Variants in KCNQ2 observed in about 807,000 individuals in gnomAD.
The protein encoded by KCNQ2 is potassium voltage-gated channel subfamily KQT member 2.
A neutral mutation model predicts 84.8 loss-of-function variants in KCNQ2; 14 were observed. The ratio of observed to expected loss-of-function variants is 0.17; its 90% confidence interval spans 0.11 to 0.26. The LOEUF is 0.26. Among genes scored for constraint, KCNQ2 ranks in the 10% least tolerant of loss-of-function variants. The pLI is 1.00. For synonymous variants in KCNQ2, 599 were observed against 554.1 expected (o/e 1.08, Z -1.14); for missense variants, 788 against 1,254.0 (o/e 0.63, Z 5.61).
In KCNQ2 at chr20:63,472,274, C is replaced by A. The variant is rs780110473; in HGVS notation, c.190G>T (p.Ala64Ser). ...LSKPRAGGAGAGKPPKRNAFY... is the reference protein window; with the variant it reads ...LSKPRAGGAGSGKPPKRNAFY... ...GCGTTGCGCTTGGGGGGCTTCCCGG[C>A]GCCCGCGCCGCCCGCGCGAGGTTTG... Residue 64 changes from alanine to serine, a missense_variant, in exon 1 of 17, where the codon GCC becomes TCC. Transcript: ENST00000359125. The A allele has an allele frequency of 3.8e-5, 58 of 1,536,654 alleles. No homozygotes were observed. Among genetic ancestry groups the A allele is most frequent in the Non-Finnish European group, 5.1e-5 (58 of 1,141,854 alleles).
intron 7 of KCNQ2, among the ~76,000 whole-genome samples, chr20:63,436,706 A>G (rs892067731): frequency 1.3e-5 from 2 of 151,798 alleles, no homozygotes; most frequent in African/African-American, 4.8e-5. Context: ...AAGTACGTGC[A>G]GTGTTTTACT....
rs569309850 is a variant in KCNQ2 at position 63,442,098 on chromosome 20, G to A, written c.816+308C>T. On this transcript the variant is annotated intron_variant, in intron 5 of 16. Transcript: ENST00000359125. ...TCTTCTCCCCTTTCCCCCAATAATC[G>A]GGACACGGAGCAGGTGGAGGGTCAC... Among the ~76,000 whole-genome samples the A allele has an allele frequency of 2.6e-4, 39 of 152,242 alleles. No homozygotes were observed. In the South Asian group the frequency reaches 7.9e-3, roughly 31 times the overall value.
chr20:63,412,411 C>T (rs1042584940), intron 15 of KCNQ2, among the ~76,000 whole-genome samples: 4 of 152,266 alleles, frequency 2.6e-5, no homozygotes, highest in Admixed American at 2.0e-4. Flanking sequence ...CACACGCACA[C>T]GCACACGCAG....
intron 1 of KCNQ2, chr20:63,471,384 CCT>C (rs1364461420): frequency 6.6e-6 from 1 of 152,364 alleles, no homozygotes; most frequent in African/African-American, 2.4e-5. Flanking sequence ...GCAGCCGTTC[CCT>C]GAGCCTCGCC....
intron 2 of KCNQ2, among the ~76,000 whole-genome samples, chr20:63,445,735 G>C (rs1488239670): frequency 1.4e-5 from 2 of 139,738 alleles, no homozygotes; most frequent in Non-Finnish European, 3.2e-5. Flanking sequence ...GGCCCTGTCT[G>C]AGCTGGGAGG....
At chr20:63,428,237 T>C (rs1292045189) in intron 10 of KCNQ2, 130 bp downstream of exon 10, 1 of 711,234 alleles carries the variant, frequency 1.4e-6, no homozygotes, top group African/African-American at 1.8e-5. Context: ...CATCACCAAG[T>C]CCAGCGTCCC....
intron 5 of KCNQ2, among the ~76,000 whole-genome samples, chr20:63,440,208 T>C (rs2081118203): frequency 6.6e-6 from 1 of 151,848 alleles, no homozygotes; most frequent in East Asian, 1.9e-4. Context: ...GGTGGGCTGC[T>C]CCTGGAGCAG....
intron 1 of KCNQ2, among the ~76,000 whole-genome samples, chr20:63,453,196 C>T (rs1182981818): frequency 6.6e-6 from 1 of 152,218 alleles, no homozygotes; most frequent in African/African-American, 2.4e-5. Context: ...CTCCGCCCGC[C>T]GCCACAGGCC....
At position 63,472,350 on chromosome 20, in the gene KCNQ2, C is replaced by A. The variant is rs1273746420; in HGVS notation, c.114G>T (p.Gly38=). The change falls in exon 1 of 17, where the codon GGG becomes GGT. Residue 38 remains glycine (G), a synonymous_variant. Transcript: ENST00000359125. ...DPGAPDSTRD[G]ALLIAGSEAP... ...CCTCGGAGCCGGCGATCAGCAGCGC[C>A]CCGTCCCGGGTGGAGTCGGGCGCGC... 4 of 1,536,382 alleles carry A rather than the reference C, an allele frequency of 2.6e-6. No homozygotes were observed. The highest frequency in any genetic ancestry group is 3.5e-6 in the Non-Finnish European group (4 of 1,142,562).
At position 63,435,397 on chromosome 20, in the gene KCNQ2, A is replaced by AAC. The variant is rs1012498127; in HGVS notation, c.1024-1495_1024-1494insGT. Among the ~76,000 whole-genome samples the AAC allele has an allele frequency of 5.9e-4, 82 of 137,860 alleles. 2 individuals carry two copies. The highest frequency in any genetic ancestry group is 2.0e-3 in the African/African-American group (73 of 36,614). 90.4% of individuals were successfully genotyped at this position (137,860 alleles called of 152,430 possible). Reference sequence around the variant, plus strand: ...AGCAAGTCCCTATCTCAACAACAACAAAAAAAAAAAGTTGGCCATCCTAAC... The same window carrying AAC: ...AGCAAGTCCCTATCTCAACAACAACAACAAAAAAAAAAGTTGGCCATCCTAAC... On this transcript the variant is annotated intron_variant, in intron 7 of 16. Transcript: ENST00000359125.
At chr20:63,471,348 GC>G in intron 1 of KCNQ2, 1 of 152,488 alleles carries the variant, frequency 6.6e-6, no homozygotes, top group Non-Finnish European at 1.5e-5. Flanking sequence ...GGCTTCGGCC[GC>G]CCCCCGCCAG....
rs758396492 is a variant in KCNQ2 at position 63,403,275 on chromosome 20, C to G, written c.*3369G>C. 1 of 152,322 alleles carries G rather than the reference C, an allele frequency of 6.6e-6. No individual in the cohort carries two copies. Among genetic ancestry groups the G allele is most frequent in the African/African-American group, 2.4e-5 (1 of 41,458 alleles). The allele number at this position is 152,322 out of a possible 1,614,324, so 9.4% of individuals were successfully genotyped here. On this transcript the variant is annotated 3_prime_UTR_variant, in exon 17 of 17. Coordinates refer to ENST00000359125, the MANE Select transcript of KCNQ2 (RefSeq NM_172107.4). Reference sequence around the variant, plus strand: ...GGCGCTTGACATTCCAGCATCACCACGACCCCTAAAGCCACAATTACTCCT... The same window carrying G: ...GGCGCTTGACATTCCAGCATCACCAGGACCCCTAAAGCCACAATTACTCCT...
At chr20:63,444,526 C>A (rs556973887) in intron 4 of KCNQ2, 133 bp downstream of exon 4, 40 of 649,432 alleles carry the variant, frequency 6.2e-5, no homozygotes, top group African/African-American at 5.5e-4. Context: ...TGGGCTCCAG[C>A]CAGAGCCACC....
rs1260768741 is a variant in KCNQ2 at position 63,438,203 on chromosome 20, T to C, written c.1023+422A>G. On this transcript the variant is annotated intron_variant, in intron 7 of 16. Coordinates refer to ENST00000359125, the MANE Select transcript of KCNQ2 (RefSeq NM_172107.4). This position sits in a 1 kb window ranked among gnomAD's most constrained non-coding sequence, Gnocchi z 5.1. ...CCACCCCCAAATGGTGGGACGGCAC[T>C]GGGTGGGGTCCGGGCGGGCATCATG... is the stretch of plus-strand genomic sequence containing the variant. 3 of 300,426 alleles carry C rather than the reference T, an allele frequency of 1.0e-5. No homozygotes were observed. The highest frequency in any genetic ancestry group is 6.4e-5 in the African/African-American group (3 of 46,518). The allele number at this position is 300,426 out of a possible 1,614,324, so 18.6% of individuals were successfully genotyped here. A position where few individuals can be genotyped will look rare whatever the true frequency, so the allele number is the denominator to read the frequency against.
At chr20:63,444,930 G>T in intron 3 of KCNQ2, 96 bp from the exon 4 acceptor site, 1 of 1,340,648 alleles carries the variant, frequency 7.5e-7, no homozygotes, top group South Asian at 1.4e-5. Flanking sequence ...GATGTGCAGA[G>T]GGGCGGGAAG....
chr20:63,431,316 G>A, intron 9 of KCNQ2, 24 bp downstream of exon 9: 1 of 1,613,240 alleles, frequency 6.2e-7, no homozygotes. Flanking sequence ...ACACACACAG[G>A]GCTTCTGTCC....
chr20:63,438,302 C>T lies in KCNQ2; in HGVS notation c.1023+323G>A, dbSNP rs998172352. On this transcript the variant is annotated intron_variant, in intron 7 of 16. Transcript: ENST00000359125. This position sits in a 1 kb window ranked among gnomAD's most constrained non-coding sequence, Gnocchi z 5.1. The stretch of plus-strand genomic sequence containing the variant: ...ACTGCAGTGTGTGGGCTCTAGGAGC[C>T]TTGGCCCTGCAGCTGCAGAACGGGT... 1.5e-5 allele frequency: 7 copies of T among 466,028 alleles called. No homozygotes were observed. The highest frequency in any genetic ancestry group is 2.8e-5 in the Non-Finnish European group (7 of 250,804). 28.9% of individuals were successfully genotyped at this position (466,028 alleles called of 1,614,324 possible).
chr20:63,430,780 G>C (rs2080765774), intron 9 of KCNQ2, among the ~76,000 whole-genome samples: 1 of 152,246 alleles, frequency 6.6e-6, no homozygotes, highest in African/African-American at 2.4e-5. Context: ...CTTGAGTCCA[G>C]GGCAGGAGAC....
chr20:63,472,069 G>A (rs1568985901), intron 1 of KCNQ2, 99 bp downstream of exon 1: 2 of 879,158 alleles, frequency 2.3e-6, no homozygotes, highest in East Asian at 3.2e-5. Flanking sequence ...CAGGGGCAGG[G>A]AGCCAAACCC....
Sources: allele counts gnomAD v4.1 joint callset (sites outside exome capture counted in the v4.1 genomes callset), GRCh38; gene constraint gnomAD v4.1.1; non-coding constraint Gnocchi (gnomAD v3.1); transcripts MANE v1.5; gene names NCBI Gene and HGNC (gene_info 2026-07-23, HGNC 2026-07-21).